DAB1: variants seen among roughly 807,000 people sequenced by gnomAD.
DAB1 encodes disabled homolog 1.
In DAB1, 15 loss-of-function variants were observed where a neutral mutation model predicts 64.6. That is an observed-to-expected ratio of 0.23 (90% confidence interval 0.16 to 0.36). DAB1 has a LOEUF of 0.36. DAB1 is among the 10% of genes least tolerant of loss of function. DAB1 has a pLI of 1.00. For missense variants in DAB1, 596 were observed against 706.7 expected (o/e 0.84, Z 1.78); for synonymous variants, 235 against 251.9 (o/e 0.93, Z 0.64).
chr1:57,018,095 A>G (rs1646492970), intron 11 of DAB1, among the ~76,000 whole-genome samples: 1 of 152,162 alleles, frequency 6.6e-6, no homozygotes, highest in East Asian at 1.9e-4. Context: ...CCTAGAATCG[A>G]CTTTGAATTA....
chr1:58,158,384 G>A (rs1655331181), intron 4 of DAB1, among the ~76,000 whole-genome samples: 2 of 152,158 alleles, frequency 1.3e-5, no homozygotes, highest in Admixed American at 6.5e-5. Flanking sequence ...AAAGAGAAAA[G>A]TTGGGGTGAG....
chr1:57,159,475 C>T (rs1660536390), intron 2 of DAB1, among the ~76,000 whole-genome samples: 1 of 152,138 alleles, frequency 6.6e-6, no homozygotes, highest in Non-Finnish European at 1.5e-5. Context: ...TACAATCTCC[C>T]CTTGGTAGAC....
Position 57,026,003 on chromosome 1 carries a change from G to T in DAB1, c.764C>A (p.Pro255His), listed in dbSNP as rs1424652814. 6.3e-7 allele frequency: 1 copy of T among 1,588,328 alleles called. No individual in the cohort carries two copies. Among genetic ancestry groups the T allele is most frequent in the South Asian group, 1.2e-5 (1 of 86,092 alleles). ...QLELFGDMST[P>H]PDITSPPTPA... ...TACGGGGGGAGAGGTTATATCAGGG[G>T]GTGTGGACATGTCCCCAAAAAGTTC... Residue 255 changes from proline to histidine, a missense_variant, in exon 10 of 15, where the codon CCC (proline) becomes CAC (histidine). Pro to His is a moderately conservative substitution (Grantham distance 77). Coordinates refer to ENST00000371236, the MANE Select transcript of DAB1 (RefSeq NM_001365792.1).
At chr1:57,279,972 C>T (rs558055722) in intron 2 of DAB1, among the ~76,000 whole-genome samples, 2 of 152,310 alleles carry the variant, frequency 1.3e-5, no homozygotes, top group East Asian at 3.9e-4. Context: ...TGTAGGAGGA[C>T]ATCTTTCAGT....
intron 4 of DAB1, among the ~76,000 whole-genome samples, chr1:58,256,734 A>C (rs1481702568): frequency 1.3e-5 from 2 of 150,412 alleles, no homozygotes; most frequent in African/African-American, 4.9e-5. Flanking sequence ...CCATAGCCCC[A>C]AAATCTATAG....
chr1:58,334,202 C>A (rs1441629738), intron 4 of DAB1, among the ~76,000 whole-genome samples: 1 of 152,112 alleles, frequency 6.6e-6, no homozygotes, highest in Non-Finnish European at 1.5e-5. Flanking sequence ...GTTTGTATGG[C>A]TTGACTTAAT....
At chr1:57,292,829 C>T (rs1485968989) in intron 1 of DAB1, among the ~76,000 whole-genome samples, 1 of 152,068 alleles carries the variant, frequency 6.6e-6, no homozygotes, top group East Asian at 1.9e-4. Context: ...GGGACGGCAA[C>T]ACACACATGT....
chr1:57,885,746 G>A (rs1026800066), upstream of DAB1, among the ~76,000 whole-genome samples: 1 of 152,098 alleles, frequency 6.6e-6, no homozygotes, highest in Non-Finnish European at 1.5e-5. Context: ...GGCACTTTAA[G>A]TAACACAGGC....
chr1:57,467,523 C>T lies in DAB1; in HGVS notation n.626-176357G>A, dbSNP rs185664254. Among the ~76,000 whole-genome samples the T allele has an allele frequency of 4.9e-4, 75 of 152,216 alleles. 1 individual carries two copies. The East Asian group carries it at 0.015, about 30-fold the overall frequency. ...TAACATTAAAGTTTGATAAGCACTA[C>T]CTTAGGAATAATGGACCCATTTCAT... On this transcript the variant is annotated intron_variant and non_coding_transcript_variant, in intron 7 of 20. Coordinates refer to the DAB1 transcript ENST00000485760.
intron 7 of DAB1, among the ~76,000 whole-genome samples, chr1:57,454,361 G>A (rs189272481): frequency 6.6e-6 from 1 of 152,232 alleles, no homozygotes; most frequent in African/African-American, 2.4e-5. Flanking sequence ...GTGGGAACAT[G>A]GATGGAACTG....
intron 6 of DAB1, among the ~76,000 whole-genome samples, chr1:57,767,235 G>A (rs1466166468): frequency 6.6e-6 from 1 of 152,094 alleles, no homozygotes; most frequent in Non-Finnish European, 1.5e-5. Context: ...CCATCTTGAA[G>A]ATATCTAGGG....
intron 2 of DAB1, among the ~76,000 whole-genome samples, chr1:57,245,362 T>C (rs1042697720): frequency 2.0e-5 from 3 of 152,138 alleles, no homozygotes; most frequent in African/African-American, 7.2e-5. Flanking sequence ...TACATGTGCA[T>C]TGTTGGCTTG....
rs117690424 is a variant in DAB1, at chr1:58,220,959, T to C, written n.310-70371A>G. 2.6e-5 allele frequency among the ~76,000 whole-genome samples: 4 copies of C among 151,534 alleles called. No individual in the cohort carries two copies. The East Asian group carries it at 5.8e-4, about 22-fold the overall frequency. ...TTATAAGGCATTATCATTGTGATCATTGGCCAGCCCAGGTGGAAAGCTATG... is the reference window on the plus strand; with the variant it reads ...TTATAAGGCATTATCATTGTGATCACTGGCCAGCCCAGGTGGAAAGCTATG... On this transcript the variant is annotated intron_variant and non_coding_transcript_variant, in intron 4 of 20. Transcript: ENST00000485760.
intron 4 of DAB1, among the ~76,000 whole-genome samples, chr1:58,336,336 A>G (rs971178043): frequency 1.3e-5 from 2 of 152,224 alleles, no homozygotes; most frequent in African/African-American, 4.8e-5. Flanking sequence ...AAAAGAAAGA[A>G]TTCTATGCTT....
intron 2 of DAB1, among the ~76,000 whole-genome samples, chr1:57,212,003 T>C (rs2100335477): frequency 6.6e-6 from 1 of 152,346 alleles, no homozygotes; most frequent in Admixed American, 6.5e-5. Flanking sequence ...TATATATTTA[T>C]GCAATTTTGT....
chr1:57,394,222 C>G (rs926725012), intron 1 of DAB1, among the ~76,000 whole-genome samples: 4 of 152,170 alleles, frequency 2.6e-5, no homozygotes, highest in African/African-American at 4.8e-5. Flanking sequence ...GGTTGAAGTA[C>G]GTTCCCCTTC....
upstream of DAB1, among the ~76,000 whole-genome samples, chr1:57,426,718 C>T (rs1219848766): frequency 6.6e-6 from 1 of 152,128 alleles, no homozygotes; most frequent in Non-Finnish European, 1.5e-5. Flanking sequence ...TCTTATTGTA[C>T]TGGATAGAGT....
At chr1:58,536,819 AT>A in intron 1 of DAB1, 1 of 745,926 alleles carries the variant, frequency 1.3e-6, no homozygotes, top group Non-Finnish European at 2.3e-6. Flanking sequence ...ATACACTAGA[AT>A]TTTACGTCCT....
In DAB1 at chr1:58,104,931, A is replaced by G. The variant is rs546225004; in HGVS notation, n.387+45580T>C. On this transcript the variant is annotated intron_variant and non_coding_transcript_variant, in intron 5 of 20. Transcript: ENST00000485760. ...TGAAAACATCCTATGGACTTTCAAA[A>G]AGGGAATGTCGCACATTCAATAAAG... is the stretch of plus-strand genomic sequence containing the variant. Among the ~76,000 whole-genome samples the G allele has an allele frequency of 1.5e-4, 23 of 152,356 alleles. No homozygotes were observed. The South Asian group carries it at 4.1e-3, about 27-fold the overall frequency.
Sources: gnomAD v4.1 joint callset for allele counts (sites outside exome capture counted in the v4.1 genomes callset) on GRCh38, gnomAD v4.1.1 for gene constraint, MANE v1.5 for transcripts, NCBI Gene and HGNC (gene_info 2026-07-23, HGNC 2026-07-21) for gene names.